CHD7: variants seen among roughly 807,000 people sequenced by gnomAD.
CHD7 encodes chromodomain helicase DNA binding protein 7.
CHD7 carries 24 observed loss-of-function variants against 307.3 expected under a neutral mutation model. The observed-to-expected ratio is 0.08, with a 90% confidence interval of 0.06 to 0.11. The LOEUF (loss-of-function observed/expected upper bound fraction) is 0.11. Ranked by LOEUF, CHD7 falls within the 10% of genes least tolerant of loss-of-function variation. CHD7 has a pLI of 1.00. For synonymous variants in CHD7, 1,363 were observed against 1,349.9 expected (o/e 1.01, Z -0.21); for missense variants, 3,106 against 3,727.1 (o/e 0.83, Z 4.34).
intron 2 of CHD7, among the ~76,000 whole-genome samples, chr8:60,753,886 A>G (rs1563571960): frequency 6.6e-6 from 1 of 151,934 alleles, no homozygotes; most frequent in African/African-American, 2.4e-5. Context: ...CAGCCTCCCA[A>G]AGTGCTGGGT....
chr8:60,835,513 C>T (rs1804702140), intron 15 of CHD7, among the ~76,000 whole-genome samples: 1 of 152,092 alleles, frequency 6.6e-6, no homozygotes, highest in Non-Finnish European at 1.5e-5. Flanking sequence ...GCTTAGGTCC[C>T]CCACAAATAT....
chr8:60,865,176 T>C lies in CHD7; in HGVS notation c.8237T>C (p.Val2746Ala). The change falls in exon 38 of 38, where the codon GTG becomes GCG. Residue 2746 changes from valine to alanine, a missense_variant. By Grantham distance (64) the Val-to-Ala change is moderately conservative. This residue lies in a region of CHD7 where 351 missense variants were observed against 366.2 expected (regional missense o/e 0.96). Transcript: ENST00000423902. This position sits in a 1 kb window ranked among gnomAD's most constrained non-coding sequence, Gnocchi z 4.3. ...ASTSGINPLL[V>A]NSLFAGMDLT... ...ACGTCAGGGATCAACCCTTTGCTGG[T>C]GAACAGCCTGTTTGCTGGAATGGAC... The C allele has an allele frequency of 1.2e-6, 2 of 1,612,146 alleles. No homozygotes were observed.
chr8:60,800,017 A>T (rs1186495328), intron 4 of CHD7, among the ~76,000 whole-genome samples: 1 of 151,736 alleles, frequency 6.6e-6, no homozygotes, highest in African/African-American at 2.4e-5. Context: ...ACTCTGCGCC[A>T]TTATAAAGAA....
chr8:60,775,255 C>A (rs1266341139), intron 2 of CHD7, among the ~76,000 whole-genome samples: 1 of 134,370 alleles, frequency 7.4e-6, no homozygotes. Flanking sequence ...TAAATTATTT[C>A]ATTATGCTAT....
At chr8:60,713,474 C>T (rs1277107150) in intron 1 of CHD7, among the ~76,000 whole-genome samples, 2 of 152,024 alleles carry the variant, frequency 1.3e-5, no homozygotes, top group Non-Finnish European at 2.9e-5. Context: ...AGCATGCTTT[C>T]TTAGCTAGAA....
intron 1 of CHD7, among the ~76,000 whole-genome samples, chr8:60,739,651 C>T (rs1402135507): frequency 6.6e-6 from 1 of 152,168 alleles, no homozygotes; most frequent in Non-Finnish European, 1.5e-5. Flanking sequence ...CCTGGAGACC[C>T]TCTCAGGTGT....
intron 9 of CHD7, 122 bp downstream of exon 9, chr8:60,820,212 C>G (rs986445335): frequency 1.3e-5 from 6 of 473,104 alleles, no homozygotes; most frequent in Admixed American, 3.9e-5. Flanking sequence ...CACACTTGGT[C>G]TAAATTTAAC....
chr8:60,808,939 C>T (rs1812662329), intron 7 of CHD7: 1 of 152,174 alleles, frequency 6.6e-6, no homozygotes, highest in African/African-American at 2.4e-5. Context: ...AAATAACAAT[C>T]ATAGAACAAG....
chr8:60,703,115 A>G (rs1586184894), intron 1 of CHD7, among the ~76,000 whole-genome samples: 1 of 152,240 alleles, frequency 6.6e-6, no homozygotes, highest in Admixed American at 6.5e-5. Flanking sequence ...ACCATCTTCT[A>G]CAGAGAATGT....
intron 1 of CHD7, among the ~76,000 whole-genome samples, chr8:60,725,101 C>T (rs1244230701): frequency 6.6e-6 from 1 of 152,178 alleles, no homozygotes; most frequent in African/African-American, 2.4e-5. Context: ...GCGATAAGCC[C>T]TGGGGATAAA....
chr8:60,680,072 C>T (rs998140740), intron 1 of CHD7, among the ~76,000 whole-genome samples: 2 of 151,410 alleles, frequency 1.3e-5, no homozygotes, highest in African/African-American at 4.9e-5. Flanking sequence ...ATAATAGCGA[C>T]TTTAACCTTC....
chr8:60,771,593 A>G lies in CHD7; in HGVS notation c.1666-9407A>G, dbSNP rs918238405. Among the ~76,000 whole-genome samples, 88 of 152,214 alleles carry G rather than the reference A, an allele frequency of 5.8e-4. 1 individual carries two copies. Among genetic ancestry groups the G allele is most frequent in the Admixed American group, 1.3e-4 (2 of 15,282 alleles). ...AGTTTCCGTAGATCAGAGTTTGGGC[A>G]TGGTTTAGCTGGGTCCTCTACTCGA... On this transcript the variant is annotated intron_variant, in intron 2 of 37. Coordinates refer to ENST00000423902, the MANE Select transcript of CHD7 (RefSeq NM_017780.4).
chr8:60,724,829 A>G lies in CHD7; in HGVS notation c.-174-16430A>G, dbSNP rs74877253. ...TTTTAATAAAGGCCAATAAAAACTT[A>G]AAGAAGAGAAAATGCTGATGTTAAG... On this transcript the variant is annotated intron_variant, in intron 1 of 37. Coordinates refer to ENST00000423902, the MANE Select transcript of CHD7 (RefSeq NM_017780.4). Among the ~76,000 whole-genome samples, 11 of 152,360 alleles carry G rather than the reference A, an allele frequency of 7.2e-5. No homozygotes were observed. In the East Asian group the frequency reaches 2.1e-3, roughly 29 times the overall value.
chr8:60,717,454 G>A (rs1269447488), intron 1 of CHD7, among the ~76,000 whole-genome samples: 1 of 152,186 alleles, frequency 6.6e-6, no homozygotes, highest in Non-Finnish European at 1.5e-5. Flanking sequence ...TCTTGATATA[G>A]GTCAGGCCTT....
chr8:60,699,910 A>G (rs1316864707), intron 1 of CHD7, among the ~76,000 whole-genome samples: 2 of 151,338 alleles, frequency 1.3e-5, no homozygotes, highest in Non-Finnish European at 2.9e-5. Context: ...ATTTCAGCTC[A>G]CCACAACCCT....
intron 1 of CHD7, among the ~76,000 whole-genome samples, chr8:60,682,231 T>C (rs1805665647): frequency 6.6e-6 from 1 of 152,212 alleles, no homozygotes; most frequent in African/African-American, 2.4e-5. Flanking sequence ...TACAGGAACA[T>C]TTCCTAAACT....
At chr8:60,748,970 ATTTT>A (rs1216748648) in intron 2 of CHD7, among the ~76,000 whole-genome samples, 1,474 of 137,214 alleles carry the variant, frequency 0.011, 19 homozygotes, top group South Asian at 0.026. Flanking sequence ...CAGTGGTACA[ATTTT>A]TTTTTTTTTT....
intron 2 of CHD7, among the ~76,000 whole-genome samples, chr8:60,772,465 ATTAAACATGCAAAGCGT>A (rs1810757021): frequency 6.6e-6 from 1 of 152,242 alleles, no homozygotes; most frequent in Non-Finnish European, 1.5e-5. Flanking sequence ...CAGTTTAAAG[ATTAAACATGCAAAGCGT>A]TTTGACCAGC....
At chr8:60,782,020 C>T (rs1224311074) in intron 3 of CHD7, among the ~76,000 whole-genome samples, 1 of 152,128 alleles carries the variant, frequency 6.6e-6, no homozygotes, top group East Asian at 1.9e-4. Context: ...CATATTCCCC[C>T]CATCAATTCT....
Sources: gnomAD v4.1 joint callset for allele counts (sites outside exome capture counted in the v4.1 genomes callset) on GRCh38, gnomAD v4.1.1 for gene constraint, gnomAD v4.1.1 regional missense constraint, Gnocchi (gnomAD v3.1) non-coding constraint, MANE v1.5 for transcripts, NCBI Gene and HGNC (gene_info 2026-07-23, HGNC 2026-07-21) for gene names.